The following SLC38A4 variants were observed in gnomAD, a reference collection of about 807,000 sequenced individuals.
SLC38A4 encodes sodium-coupled neutral amino acid transporter 4.
SLC38A4 carries 20 observed loss-of-function variants against 63.1 expected under a neutral mutation model. The observed-to-expected ratio is 0.32, with a 90% CI of 0.22 to 0.46. SLC38A4 has a LOEUF of 0.46. SLC38A4 is among the 20% of genes least tolerant of loss of function. The probability of loss-of-function intolerance (pLI) is 1.00; values close to 1 mark genes in which losing one functional copy is unlikely to be tolerated. For missense variants in SLC38A4, 526 were observed against 663.6 expected (o/e 0.79, Z 2.28); for synonymous variants, 230 against 225.5 (o/e 1.02, Z -0.18).
At chr12:46,781,119 A>T (rs984902638) in intron 7 of SLC38A4, among the ~76,000 whole-genome samples, 3 of 152,004 alleles carry the variant, frequency 2.0e-5, no homozygotes, top group Non-Finnish European at 4.4e-5. Context: ...TCATCTGAAA[A>T]ACCCTGTGAG....
Position 46,821,890 on chromosome 12 carries a change from C to T in SLC38A4, c.-305+4013G>A, listed in dbSNP as rs75262484. 7.9e-5 allele frequency among the ~76,000 whole-genome samples: 12 copies of T among 152,178 alleles called. No homozygotes were observed. The East Asian group carries it at 2.3e-3, about 29-fold the overall frequency. On this transcript the variant is annotated intron_variant, in intron 1 of 16. Coordinates refer to ENST00000266579, the MANE Select transcript of SLC38A4 (RefSeq NM_018018.5). Reference sequence around the variant, plus strand: ...CATTTACCTTTTATAGTTTTCAGTACATAGGACTTTTACCTCTTTAATTAC... The same window carrying T: ...CATTTACCTTTTATAGTTTTCAGTATATAGGACTTTTACCTCTTTAATTAC...
intron 14 of SLC38A4, 142 bp from the exon 15 acceptor site, chr12:46,769,570 T>A: frequency 1.1e-6 from 1 of 895,958 alleles, no homozygotes; most frequent in Admixed American, 2.8e-5. Flanking sequence ...TCAATTTTTT[T>A]ATTATTATAA....
At chr12:46,802,451 T>G (rs116855505) in intron 2 of SLC38A4, among the ~76,000 whole-genome samples, 22 of 152,098 alleles carry the variant, frequency 1.4e-4, no homozygotes, top group Middle Eastern at 3.4e-3. Flanking sequence ...CTCACATAAC[T>G]AAAAAACAGC....
At position 46,788,577 on chromosome 12, in the gene SLC38A4, G is replaced by T. The variant is rs201596258; in HGVS notation, c.161C>A (p.Thr54Lys). The part of the protein sequence containing the change: ...NEDTESQKFL[T>K]NGFLGKKKLA... Reference sequence around the variant, plus strand: ...CTTCTTTTTCCCCAAAAATCCATTTGTCAGGAATTTCTGACTTTCAGTGTC... The same window carrying T: ...CTTCTTTTTCCCCAAAAATCCATTTTTCAGGAATTTCTGACTTTCAGTGTC... The change falls in exon 4 of 17, where the codon ACA (threonine) becomes AAA (lysine). Residue 54 changes from threonine (T) to lysine (K), a missense_variant. Physicochemically the swap from Thr to Lys is moderately conservative, Grantham distance 78 (BLOSUM62 -1). Transcript: ENST00000266579. 1.4e-4 allele frequency: 232 copies of T among 1,613,592 alleles called. 1 individual carries two copies. The Admixed American group carries it at 1.7e-3, about 12-fold the overall frequency.
chr12:46,799,522 C>T (rs531483882), intron 2 of SLC38A4, among the ~76,000 whole-genome samples: 3 of 152,126 alleles, frequency 2.0e-5, no homozygotes, highest in East Asian at 1.9e-4. Flanking sequence ...GGTTTGAACC[C>T]GGGGTCGGAG....
At chr12:46,820,866 C>T (rs80283975) in intron 1 of SLC38A4, among the ~76,000 whole-genome samples, 2,689 of 151,920 alleles carry the variant, frequency 0.018, 90 homozygotes, top group African/African-American at 0.062. Context: ...TGATAATAGC[C>T]GTCCTAATGT....
At chr12:46,772,098 G>T (rs903742220) in intron 14 of SLC38A4, among the ~76,000 whole-genome samples, 24 of 151,072 alleles carry the variant, frequency 1.6e-4, no homozygotes, top group African/African-American at 5.8e-4. Flanking sequence ...AAATGTGGAG[G>T]CACAGGAGGA....
At position 46,787,945 on chromosome 12, in the gene SLC38A4, G is replaced by A; in HGVS notation, c.297C>T (p.Ala99=). 1.2e-6 allele frequency: 2 copies of A among 1,613,616 alleles called. No individual in the cohort carries two copies. The highest frequency in any genetic ancestry group is 1.7e-6 in the Non-Finnish European group (2 of 1,179,638). ...MGSGILGLSY[A]MANTGIILFI... ...AAAGTATGATCCCTGTGTTGGCCAT[G>A]GCATAGGACAAGCCCAGGATCCCAC... Residue 99 remains alanine (A), a synonymous_variant, in exon 5 of 17, where the codon GCC becomes GCT. Coordinates refer to ENST00000266579, the MANE Select transcript of SLC38A4 (RefSeq NM_018018.5).
intron 1 of SLC38A4, among the ~76,000 whole-genome samples, chr12:46,822,282 C>A (rs1381203337): frequency 6.6e-6 from 1 of 151,982 alleles, no homozygotes; most frequent in Admixed American, 6.6e-5. Flanking sequence ...GAATCTCTTA[C>A]CAAAAATAAA....
intron 3 of SLC38A4, 63 bp from the exon 4 acceptor site, chr12:46,788,681 G>C: frequency 1.3e-5 from 18 of 1,394,540 alleles, no homozygotes; most frequent in Non-Finnish European, 1.8e-5. Flanking sequence ...TGAATCATAT[G>C]TATGTTTCAG....
intron 2 of SLC38A4, among the ~76,000 whole-genome samples, chr12:46,794,133 G>C (rs1336332940): frequency 6.6e-6 from 1 of 152,112 alleles, no homozygotes; most frequent in Non-Finnish European, 1.5e-5. Flanking sequence ...GAAATCTTGA[G>C]CAGAGAAACT....
intron 1 of SLC38A4, among the ~76,000 whole-genome samples, chr12:46,831,943 G>A: frequency 6.6e-6 from 1 of 152,036 alleles, no homozygotes; most frequent in East Asian, 1.9e-4. Flanking sequence ...GGGAGGCGGA[G>A]GTGCCCCATA....
At chr12:46,790,092 A>T (rs1938853951) in intron 3 of SLC38A4, among the ~76,000 whole-genome samples, 2 of 152,212 alleles carry the variant, frequency 1.3e-5, no homozygotes, top group Non-Finnish European at 2.9e-5. Context: ...CAATAAATAA[A>T]TAAATAAACC....
intron 1 of SLC38A4, among the ~76,000 whole-genome samples, chr12:46,814,886 C>T (rs1939407972): frequency 6.6e-6 from 1 of 151,726 alleles, no homozygotes. Flanking sequence ...TTGAGGTTAA[C>T]CTGGCTAAGA....
rs1029560304 is a variant in SLC38A4 at position 46,777,447 on chromosome 12, C to T, written c.1074-443G>A. On this transcript the variant is annotated intron_variant, in intron 12 of 16. Transcript: ENST00000266579. ...CTTCTGAAAACCATTCTAGAAGGAA[C>T]CTGGCTGCCAAAGATCAATTGTCAG... Among the ~76,000 whole-genome samples, 3 of 151,952 alleles carry T rather than the reference C, an allele frequency of 2.0e-5. No individual in the cohort carries two copies. In the East Asian group the frequency reaches 5.8e-4, roughly 29 times the overall value.
At position 46,775,045 on chromosome 12, in the gene SLC38A4, T is replaced by G; in HGVS notation, c.1299+4A>C. On this transcript the variant is annotated splice_donor_region_variant and intron_variant, in intron 14 of 16. Coordinates refer to ENST00000266579, the MANE Select transcript of SLC38A4 (RefSeq NM_018018.5). Reference sequence around the variant, plus strand: ...TTTCTTTCATCAAAGTCTTATGTACTTACTGGGAAGAGGACAATGGGCACA... The same window carrying G: ...TTTCTTTCATCAAAGTCTTATGTACGTACTGGGAAGAGGACAATGGGCACA... 6.2e-7 allele frequency: 1 copy of G among 1,612,102 alleles called. No individual in the cohort carries two copies. Among genetic ancestry groups the G allele is most frequent in the Non-Finnish European group, 8.5e-7 (1 of 1,178,760 alleles).
At chr12:46,812,783 A>G (rs912200196) in intron 1 of SLC38A4, among the ~76,000 whole-genome samples, 1 of 152,038 alleles carries the variant, frequency 6.6e-6, no homozygotes, top group Admixed American at 6.6e-5. Flanking sequence ...AACAATGTCA[A>G]TAAGTAGTAA....
rs2120722532 is a variant in SLC38A4 at position 46,765,478 on chromosome 12, C to G, written c.*1223G>C. The G allele has an allele frequency of 2.7e-6, 1 of 364,964 alleles. No individual in the cohort carries two copies. The allele number at this position is 364,964 out of a possible 1,614,324, so 22.6% of individuals were successfully genotyped here. ...TATGATAAAAATTTGCAAAAAGAAA[C>G]TTATTTTCTTGTAGATCATCCTATT... On this transcript the variant is annotated 3_prime_UTR_variant, in exon 17 of 17. Transcript: ENST00000266579.
intron 4 of SLC38A4, 117 bp from the exon 5 acceptor site, chr12:46,788,148 C>T (rs1565668855): frequency 1.4e-6 from 1 of 692,018 alleles, no homozygotes; most frequent in Non-Finnish European, 2.5e-6. Context: ...ACTAAGATAA[C>T]ATTACAGGAG....
Sources: allele counts gnomAD v4.1 joint callset (sites outside exome capture counted in the v4.1 genomes callset), GRCh38; gene constraint gnomAD v4.1.1; transcripts MANE v1.5; gene names NCBI Gene and HGNC (gene_info 2026-07-23, HGNC 2026-07-21).